VPS13D: variants seen among roughly 807,000 people sequenced by gnomAD.
The protein encoded by VPS13D is vacuolar protein sorting 13 homolog D, also known as intermembrane lipid transfer protein VPS13D.
A neutral mutation model predicts 461.9 loss-of-function variants in VPS13D; 187 were observed. The observed-to-expected ratio is 0.40, with a 90% CI of 0.36 to 0.46. The LOEUF is 0.46. Ranked by LOEUF, VPS13D falls within the 20% of genes least tolerant of loss-of-function variation. VPS13D has a pLI of 0.60. For missense variants in VPS13D, 4,711 were observed against 5,364.9 expected (o/e 0.88, Z 3.81); for synonymous variants, 1,951 against 1,986.3 (o/e 0.98, Z 0.47).
In VPS13D at chr1:12,430,847, G is replaced by A. The variant is rs1480152588; in HGVS notation, c.12333+14020G>A. 2.6e-5 allele frequency among the ~76,000 whole-genome samples: 4 copies of A among 152,206 alleles called. No individual in the cohort carries two copies. The East Asian group carries it at 5.8e-4, about 22-fold the overall frequency. ...ACGATCACTAAGAAACAAAGCAAAA[G>A]GGGGCAAAGCCAGATAGATTTTACC... On this transcript the variant is annotated intron_variant, in intron 65 of 69. Coordinates refer to ENST00000620676, the MANE Select transcript of VPS13D (RefSeq NM_015378.4).
chr1:12,308,808 T>C (rs1317563363), intron 27 of VPS13D, among the ~76,000 whole-genome samples, 167 bp downstream of exon 27: 1 of 152,042 alleles, frequency 6.6e-6, no homozygotes, highest in East Asian at 1.9e-4. Flanking sequence ...CATGCTACCA[T>C]GCCCGGCTAA....
At chr1:12,408,944 G>T (rs956299715) in intron 63 of VPS13D, among the ~76,000 whole-genome samples, 3 of 152,122 alleles carry the variant, frequency 2.0e-5, no homozygotes, top group African/African-American at 7.2e-5. Context: ...TCTGTGAACT[G>T]TCTGGTTATG....
chr1:12,416,457 T>C (rs557260145), intron 64 of VPS13D, among the ~76,000 whole-genome samples: 66 of 152,318 alleles, frequency 4.3e-4, no homozygotes, highest in Non-Finnish European at 7.6e-4. Context: ...GGGATATGTG[T>C]ATTGGGAGAA....
chr1:12,318,118 C>T lies in VPS13D; in HGVS notation c.7195C>T (p.Arg2399Cys), dbSNP rs868075173. 6 of 1,614,028 alleles carry T rather than the reference C, an allele frequency of 3.7e-6. No individual in the cohort carries two copies. The highest frequency in any genetic ancestry group is 1.7e-5 in the Admixed American group (1 of 60,016). ...SCFTVVLNNL[R>C]VFLIFDWLLL... ...CTTTACAGTAGTTCTCAACAATCTC[C>T]GTGTGTTTCTCATATTTGACTGGCT... The change falls in exon 31 of 70, where the codon CGT (arginine) becomes TGT (cysteine). Residue 2399 changes from arginine to cysteine, a missense_variant. Coordinates refer to ENST00000620676, the MANE Select transcript of VPS13D (RefSeq NM_015378.4).
chr1:12,359,484 GGAATT>G (rs1403848776), intron 50 of VPS13D, among the ~76,000 whole-genome samples: 1 of 152,052 alleles, frequency 6.6e-6, no homozygotes, highest in Non-Finnish European at 1.5e-5. Flanking sequence ...GTATGGCTGA[GGAATT>G]GAATTTTTAT....
intron 63 of VPS13D, among the ~76,000 whole-genome samples, chr1:12,408,230 A>G (rs1015363117): frequency 5.3e-5 from 8 of 152,202 alleles, no homozygotes; most frequent in Non-Finnish European, 1.2e-4. Flanking sequence ...TGCTATTGTG[A>G]AAATGCACAT....
chr1:12,282,608 C>T, intron 20 of VPS13D, 97 bp from the exon 21 acceptor site: 2 of 1,193,568 alleles, frequency 1.7e-6, no homozygotes, highest in South Asian at 2.9e-5. Context: ...CTTACAGCCT[C>T]ATGTAGGAAT....
rs760951015 is a variant in VPS13D, at chr1:12,283,070, A to G, written c.4968A>G (p.Lys1656=). 1 of 1,614,216 alleles carries G rather than the reference A, an allele frequency of 6.2e-7. No homozygotes were observed. The highest frequency in any genetic ancestry group is 1.1e-5 in the South Asian group (1 of 91,082). Residue 1656 remains lysine (K), a synonymous_variant, in exon 21 of 70, where the codon AAA becomes AAG. Coordinates refer to ENST00000620676, the MANE Select transcript of VPS13D (RefSeq NM_015378.4). ...AGGACTTTGAGGTGGAATTCAGTAAAGACCATCCCCAGACTTTATCTATTC... is the reference window on the plus strand; with the variant it reads ...AGGACTTTGAGGTGGAATTCAGTAAGGACCATCCCCAGACTTTATCTATTC... ...KFQDFEVEFS[K]DHPQTLSIQI... is the part of the protein sequence containing the mutation.
intron 57 of VPS13D, among the ~76,000 whole-genome samples, chr1:12,380,238 T>C (rs1570048255): frequency 6.6e-6 from 1 of 152,342 alleles, no homozygotes; most frequent in East Asian, 1.9e-4. Context: ...ATTACCTATG[T>C]AATTTTAAAA....
chr1:12,486,465 A>T (rs944629528), intron 67 of VPS13D, among the ~76,000 whole-genome samples: 30 of 152,134 alleles, frequency 2.0e-4, no homozygotes. Context: ...TTAAGTGCTG[A>T]GTGTCAACTG....
At chr1:12,454,965 C>T (rs563525448) in intron 65 of VPS13D, among the ~76,000 whole-genome samples, 10 of 152,252 alleles carry the variant, frequency 6.6e-5, no homozygotes, top group Non-Finnish European at 1.3e-4. Flanking sequence ...GGTTTATTAA[C>T]TGTCACTTTA....
chr1:12,482,744 ATACATATATG>A (rs1180267398), intron 67 of VPS13D, among the ~76,000 whole-genome samples: 1 of 145,234 alleles, frequency 6.9e-6, no homozygotes, highest in East Asian at 2.0e-4. Flanking sequence ...ATACACTAGT[ATACATATATG>A]TATACATAGT....
chr1:12,285,975 TTCCTTTCCTTTCCTTTCCTC>T (rs1359031105), intron 21 of VPS13D, among the ~76,000 whole-genome samples: 1,287 of 124,936 alleles, frequency 0.01, 27 homozygotes, highest in African/African-American at 0.038. Flanking sequence ...TTCCTTTCCT[TTCCTTTCCTTTCCTTTCCTC>T]TCCTCTCCTC....
intron 1 of VPS13D, among the ~76,000 whole-genome samples, chr1:12,232,132 A>T (rs926133887): frequency 1.3e-5 from 2 of 151,672 alleles, no homozygotes; most frequent in African/African-American, 4.9e-5. Flanking sequence ...CCCTTAAAAA[A>T]TATCTTTATA....
At chr1:12,456,530 C>T (rs968194476) in intron 66 of VPS13D, among the ~76,000 whole-genome samples, 3 of 148,000 alleles carry the variant, frequency 2.0e-5, no homozygotes, top group African/African-American at 5.0e-5. Context: ...CCCAGCTACT[C>T]GGGAGGCTGA....
intron 69 of VPS13D, 58 bp from the exon 70 acceptor site, chr1:12,508,835 C>T: frequency 6.3e-7 from 1 of 1,591,202 alleles, no homozygotes; most frequent in East Asian, 2.2e-5. Flanking sequence ...CTGGGTGGAT[C>T]TGATTCCTGG....
intron 65 of VPS13D, among the ~76,000 whole-genome samples, chr1:12,429,625 T>TC (rs780805585): frequency 1.4e-4 from 21 of 152,196 alleles, no homozygotes; most frequent in Admixed American, 2.0e-4. Flanking sequence ...TTTACAAGTT[T>TC]CCCCCCAAAC....
At chr1:12,302,396 C>T (rs915566347) in intron 25 of VPS13D, among the ~76,000 whole-genome samples, 3 of 152,190 alleles carry the variant, frequency 2.0e-5, no homozygotes, top group Non-Finnish European at 4.4e-5. Flanking sequence ...GTTTCCTTAT[C>T]AGATATATCT....
intron 67 of VPS13D, among the ~76,000 whole-genome samples, chr1:12,484,832 CT>C (rs966241727): frequency 2.0e-4 from 30 of 148,302 alleles, no homozygotes; most frequent in African/African-American, 3.2e-4. Context: ...GAATCCGAAT[CT>C]TTTTTTTTTT....
Sources: allele counts gnomAD v4.1 joint callset (sites outside exome capture counted in the v4.1 genomes callset), GRCh38; gene constraint gnomAD v4.1.1; transcripts MANE v1.5; gene names NCBI Gene and HGNC (gene_info 2026-07-23, HGNC 2026-07-21).